Variants in ZSCAN4 observed in about 807,000 individuals in gnomAD.
The protein encoded by ZSCAN4 is zinc finger and SCAN domain-containing protein 4.
In ZSCAN4, 18 loss-of-function variants were observed where a neutral mutation model predicts 18.3. The observed-to-expected ratio is 0.98, with a 90% CI of 0.68 to 1.46. The LOEUF is 1.46. Among genes scored for constraint, ZSCAN4 ranks in the 40% most tolerant of loss-of-function variants. The pLI is 0.00. For missense variants in ZSCAN4, 498 were observed against 511.4 expected, an observed-to-expected ratio of 0.97 and a Z score of 0.25; for synonymous variants, 193 against 180.3, an observed-to-expected ratio of 1.07 and a Z score of -0.57.
Position 57,676,394 on chromosome 19 carries a change from TA to T in ZSCAN4, c.250del (p.Ile84PhefsTer4). 1 of 1,614,228 alleles carries T rather than the reference TA, an allele frequency of 6.2e-7. No homozygotes were observed. The highest frequency in any genetic ancestry group is 8.5e-7 in the Non-Finnish European group (1 of 1,180,036). On this transcript the variant is annotated frameshift_variant, in exon 3 of 5. Coordinates refer to ENST00000318203, the Ensembl canonical transcript of ZSCAN4. LOFTEE classifies it high-confidence loss of function. ...CAGAAAAGCACAGCAAGGATGAAAT[TA>T]TTTCTCTATTAGTCCTGGAGCAGTT...
chr19:57,654,283 C>T, the ZSCAN4 span, among the ~76,000 whole-genome samples: 1 of 152,108 alleles, frequency 6.6e-6, no homozygotes, highest in African/African-American at 2.4e-5. Context: ...ATAGAATTTA[C>T]CCCCTGTCAT....
upstream of ZSCAN4, among the ~76,000 whole-genome samples, chr19:57,667,842 T>TCC: frequency 6.6e-6 from 1 of 152,056 alleles, no homozygotes; most frequent in East Asian, 1.9e-4. Flanking sequence ...ACAACTGGCC[T>TCC]CCAGTGGTAC....
chr19:57,669,776 G>A (rs1251707422), intron 1 of ZSCAN4, among the ~76,000 whole-genome samples: 2 of 151,518 alleles, frequency 1.3e-5, no homozygotes, highest in Non-Finnish European at 2.9e-5. Context: ...TCCCAGGCCA[G>A]AGTTCAGTAG....
chr19:57,659,348 C>T, the ZSCAN4 span, among the ~76,000 whole-genome samples: 2 of 152,038 alleles, frequency 1.3e-5, no homozygotes, highest in Non-Finnish European at 2.9e-5. Flanking sequence ...TGTTGATATA[C>T]CCCATATAAT....
chr19:57,673,975 A>G (rs1984102902), intron 2 of ZSCAN4, among the ~76,000 whole-genome samples: 1 of 152,000 alleles, frequency 6.6e-6, no homozygotes, highest in African/African-American at 2.4e-5. Flanking sequence ...GCTGGTCTTG[A>G]ACTCCTGGTT....
chr19:57,655,968 G>A, the ZSCAN4 span, among the ~76,000 whole-genome samples: 7 of 152,150 alleles, frequency 4.6e-5, no homozygotes, highest in Admixed American at 2.6e-4. Context: ...GGCAGAATTA[G>A]TCGACCTAAC....
At chr19:57,662,470 C>T in the ZSCAN4 span, among the ~76,000 whole-genome samples, 3 of 151,364 alleles carry the variant, frequency 2.0e-5, no homozygotes, top group African/African-American at 7.3e-5. Context: ...TAAAAATTGC[C>T]TTTTTTCAGT....
In ZSCAN4 at chr19:57,678,282, G is replaced by A. The variant is rs200305142; in HGVS notation, c.679G>A (p.Gly227Ser). Residue 227 changes from glycine to serine, a missense_variant, in exon 5 of 5, where the codon GGT becomes AGT. Physicochemically the swap from Gly to Ser is moderately conservative, Grantham distance 56 (BLOSUM62 0). Coordinates refer to ENST00000318203, the Ensembl canonical transcript of ZSCAN4. ...CCTAATCATCATCCAGGAAGAGAACGGTCCTAGGCCTGAAGAGGGAGGTGT... is the reference window on the plus strand; with the variant it reads ...CCTAATCATCATCCAGGAAGAGAACAGTCCTAGGCCTGAAGAGGGAGGTGT... The A allele has an allele frequency of 7.2e-5, 117 of 1,614,000 alleles. No homozygotes were observed. Among genetic ancestry groups the A allele is most frequent in the Non-Finnish European group, 9.7e-5 (114 of 1,180,028 alleles).
upstream of ZSCAN4, among the ~76,000 whole-genome samples, chr19:57,665,890 C>T (rs1214816057): frequency 6.6e-6 from 1 of 152,122 alleles, no homozygotes; most frequent in African/African-American, 2.4e-5. Flanking sequence ...CCAGCCTGGG[C>T]AACAAGAGTG....
chr19:57,663,520 T>TAAAAAAAAAAAAAAAAAAAAAAAAAA, the ZSCAN4 span, among the ~76,000 whole-genome samples: 3 of 66,574 alleles, frequency 4.5e-5, no homozygotes, highest in African/African-American at 1.9e-4. Context: ...ACCATGTCTC[T>TAAAAAAAAAAAAAAAAAAAAAAAAAA]AAAAAAAAAA....
the ZSCAN4 span, among the ~76,000 whole-genome samples, chr19:57,655,788 C>T: frequency 3.3e-5 from 5 of 151,944 alleles, no homozygotes; most frequent in African/African-American, 1.2e-4. Flanking sequence ...TTTAGATTCC[C>T]TTTCCTTCCC....
At chr19:57,675,141 CT>C (rs1171741360) in intron 2 of ZSCAN4, among the ~76,000 whole-genome samples, 2,869 of 78,134 alleles carry the variant, frequency 0.037, 36 homozygotes, top group African/African-American at 0.13. Context: ...GTGCGTGTGG[CT>C]TTTTTTTTTT....
upstream of ZSCAN4, chr19:57,668,816 C>T (rs1040738571): frequency 6.6e-6 from 1 of 152,190 alleles, no homozygotes; most frequent in Non-Finnish European, 1.5e-5. Flanking sequence ...TAATCCTAGT[C>T]TCAACCCCTG....
At chr19:57,662,535 TACCG>T in the ZSCAN4 span, among the ~76,000 whole-genome samples, 1 of 152,198 alleles carries the variant, frequency 6.6e-6, no homozygotes, top group Non-Finnish European at 1.5e-5. Flanking sequence ...CAAATATTTT[TACCG>T]CTGAGAGATT....
chr19:57,671,259 T>C (rs1042762738), intron 2 of ZSCAN4, among the ~76,000 whole-genome samples: 3 of 152,108 alleles, frequency 2.0e-5, no homozygotes, highest in African/African-American at 7.2e-5. Context: ...ACGGGTAGCA[T>C]GCCTGCGTCA....
chr19:57,675,128 T>C (rs1984140149), intron 2 of ZSCAN4, among the ~76,000 whole-genome samples: 2 of 147,868 alleles, frequency 1.4e-5, no homozygotes, highest in African/African-American at 5.0e-5. Flanking sequence ...CTAAGTTTTG[T>C]GTGTGCGTGT....
At chr19:57,665,886 T>C (rs1983837824), upstream of ZSCAN4, among the ~76,000 whole-genome samples, 1 of 152,210 alleles carries the variant, frequency 6.6e-6, no homozygotes, top group African/African-American at 2.4e-5. Flanking sequence ...CACTCCAGCC[T>C]GGGCAACAAG....
chr19:57,678,501 G>T, exon 5 of ZSCAN4: 1 of 1,614,144 alleles, frequency 6.2e-7, no homozygotes, highest in Non-Finnish European at 8.5e-7. Flanking sequence ...CACATGTGAG[G>T]TACATCAGAA....
At chr19:57,654,513 A>G in the ZSCAN4 span, among the ~76,000 whole-genome samples, 1 of 152,108 alleles carries the variant, frequency 6.6e-6, no homozygotes, top group Non-Finnish European at 1.5e-5. Flanking sequence ...AGAGACCTCA[A>G]ACTCATTCGT....
Sources: allele counts gnomAD v4.1 joint callset (sites outside exome capture counted in the v4.1 genomes callset), GRCh38; gene constraint gnomAD v4.1.1; transcripts MANE v1.5; gene names NCBI Gene and HGNC (gene_info 2026-07-23, HGNC 2026-07-21).